The following SYT10 variants were observed in gnomAD, a reference collection of about 807,000 sequenced individuals.
SYT10 encodes synaptotagmin-10.
A neutral mutation model predicts 51.1 loss-of-function variants in SYT10; 31 were observed. That is an observed-to-expected ratio of 0.61 (90% confidence interval 0.46 to 0.82). The LOEUF (loss-of-function observed/expected upper bound fraction) is 0.82, where lower values mean the gene tolerates loss of function less well. Ranked by LOEUF, SYT10 falls within the 40% of genes least tolerant of loss-of-function variation. The pLI is 0.00. For missense variants in SYT10, 603 were observed against 634.0 expected (o/e 0.95, Z 0.53); for synonymous variants, 233 against 225.9 (o/e 1.03, Z -0.28).
intron 2 of SYT10, among the ~76,000 whole-genome samples, chr12:33,420,538 G>A (rs1420084485): frequency 6.6e-6 from 1 of 152,024 alleles, no homozygotes; most frequent in Non-Finnish European, 1.5e-5. Context: ...TGTAGTCCTG[G>A]CAACTTGGGA....
rs144490992 is a variant in SYT10 at position 33,410,236 on chromosome 12, G to A, written c.510-2880C>T. ...GTTTACAACGCAGTATCAATATTATGTGCATTAATAGAATGGAATTTGTTA... is the reference window on the plus strand; with the variant it reads ...GTTTACAACGCAGTATCAATATTATATGCATTAATAGAATGGAATTTGTTA... On this transcript the variant is annotated intron_variant, in intron 2 of 6. Coordinates refer to ENST00000228567, the MANE Select transcript of SYT10 (RefSeq NM_198992.4). 2.4e-3 allele frequency among the ~76,000 whole-genome samples: 368 copies of A among 152,250 alleles called. 1 individual carries two copies. Among genetic ancestry groups the A allele is most frequent in the African/African-American group, 8.1e-3 (335 of 41,552 alleles).
intron 1 of SYT10, among the ~76,000 whole-genome samples, chr12:33,433,048 G>A (rs1866609874): frequency 6.6e-6 from 1 of 151,982 alleles, no homozygotes; most frequent in Admixed American, 6.5e-5. Flanking sequence ...TGACTACTTA[G>A]GATGTATTTA....
At chr12:33,437,327 T>C (rs1289894810) in intron 1 of SYT10, among the ~76,000 whole-genome samples, 2 of 152,214 alleles carry the variant, frequency 1.3e-5, no homozygotes, top group African/African-American at 4.8e-5. Flanking sequence ...ATTCTTGCAA[T>C]TGTTTTAGAC....
At chr12:33,392,674 G>A (rs1471946182) in intron 3 of SYT10, among the ~76,000 whole-genome samples, 1 of 151,976 alleles carries the variant, frequency 6.6e-6, no homozygotes, top group East Asian at 1.9e-4. Flanking sequence ...GTTTCTGCAT[G>A]AAAGAAGGAA....
In SYT10 at chr12:33,379,545, T is replaced by C. The variant is rs549223347; in HGVS notation, c.1500+287A>G. Among the ~76,000 whole-genome samples, 146 of 68,928 alleles carry C rather than the reference T, an allele frequency of 2.1e-3. 1 individual carries two copies. The highest frequency in any genetic ancestry group is 0.019 in the Middle Eastern group (1 of 52). The allele number at this position is 68,928 out of a possible 152,430, so 45.2% of individuals were successfully genotyped here. A position where few individuals can be genotyped will look rare whatever the true frequency, so the allele number is the denominator to read the frequency against. On this transcript the variant is annotated intron_variant, in intron 6 of 6. Transcript: ENST00000228567. ...CACTCACTGATGTAAGTTTTCAGGC[T>C]ATGCAAAAAAAAAAAAAAAAAAAAA...
chr12:33,382,019 C>T (rs1866119311), intron 5 of SYT10, among the ~76,000 whole-genome samples: 1 of 152,114 alleles, frequency 6.6e-6, no homozygotes, highest in African/African-American at 2.4e-5. Flanking sequence ...TATTCATATT[C>T]CAGCCTAGTT....
intron 3 of SYT10, 23 bp from the exon 4 acceptor site, chr12:33,385,314 A>G (rs765786966): frequency 6.2e-7 from 1 of 1,610,924 alleles, no homozygotes; most frequent in Non-Finnish European, 8.5e-7. Context: ...TCGGCATGTT[A>G]GCAATTTCAA....
chr12:33,413,114 G>A (rs1185055155), intron 2 of SYT10, among the ~76,000 whole-genome samples: 16 of 152,194 alleles, frequency 1.1e-4, no homozygotes, highest in Non-Finnish European at 2.1e-4. Context: ...GAAATGAAGC[G>A]AGAAGAGAAG....
intron 2 of SYT10, among the ~76,000 whole-genome samples, chr12:33,415,596 T>G (rs1007562831): frequency 1.3e-5 from 2 of 152,344 alleles, no homozygotes; most frequent in Admixed American, 1.3e-4. Context: ...ATTTAATAAT[T>G]AAATGTTTAA....
chr12:33,391,059 C>T (rs1866201641), intron 3 of SYT10, among the ~76,000 whole-genome samples: 1 of 152,104 alleles, frequency 6.6e-6, no homozygotes, highest in Non-Finnish European at 1.5e-5. Context: ...GCCTCAGCCT[C>T]CTGAGTAGCT....
intron 2 of SYT10, chr12:33,408,168 A>G (rs554252526): frequency 8.5e-5 from 13 of 152,322 alleles, no homozygotes; most frequent in Admixed American, 4.6e-4. Flanking sequence ...AAAATTAAAA[A>G]CATGTTATAG....
At chr12:33,434,643 T>TA (rs1425825430) in intron 1 of SYT10, among the ~76,000 whole-genome samples, 1 of 152,048 alleles carries the variant, frequency 6.6e-6, no homozygotes, top group African/African-American at 2.4e-5. Flanking sequence ...CCGACTCTAC[T>TA]AAAAATACAA....
chr12:33,412,909 C>G (rs1450998786), intron 2 of SYT10, among the ~76,000 whole-genome samples: 1 of 151,976 alleles, frequency 6.6e-6, no homozygotes, highest in Non-Finnish European at 1.5e-5. Context: ...AAGTTCGAAC[C>G]CATCCAAAAA....
At chr12:33,397,962 G>A (rs1480524782) in intron 3 of SYT10, among the ~76,000 whole-genome samples, 2 of 152,020 alleles carry the variant, frequency 1.3e-5, no homozygotes, top group Non-Finnish European at 2.9e-5. Flanking sequence ...GGAGAGTGGC[G>A]GAAATGAACA....
chr12:33,385,332 A>C, intron 3 of SYT10, 41 bp from the exon 4 acceptor site: 1 of 1,606,858 alleles, frequency 6.2e-7, no homozygotes, highest in Non-Finnish European at 8.5e-7. Context: ...CAAACATTGA[A>C]GGGTGAAAAC....
intron 2 of SYT10, among the ~76,000 whole-genome samples, chr12:33,424,514 C>T (rs16916410): frequency 0.13 from 20,230 of 151,876 alleles, 1,574 homozygotes; most frequent in African/African-American, 0.19. Context: ...CTTAAGTCTT[C>T]GTGGCTATAA....
chr12:33,423,262 A>C (rs962535705), intron 2 of SYT10, among the ~76,000 whole-genome samples: 6 of 152,016 alleles, frequency 3.9e-5, no homozygotes, highest in Non-Finnish European at 8.8e-5. Context: ...GAGCTGGGGC[A>C]TACTAATAAG....
chr12:33,376,540 A>C lies in SYT10; in HGVS notation c.*290T>G. 2.6e-6 allele frequency: 1 copy of C among 391,580 alleles called. No individual in the cohort carries two copies. Among genetic ancestry groups the C allele is most frequent in the Non-Finnish European group, 4.7e-6 (1 of 213,740 alleles). The allele number at this position is 391,580 out of a possible 1,614,324, so 24.3% of individuals were successfully genotyped here. ...AGGTAAGTATGAACTGTTTAAAAAA[A>C]CATTTCATATGCAAAGAATTACAAC... On this transcript the variant is annotated 3_prime_UTR_variant, in exon 7 of 7. Transcript: ENST00000228567.
intron 2 of SYT10, among the ~76,000 whole-genome samples, chr12:33,414,250 G>A (rs902865089): frequency 2.1e-4 from 32 of 152,048 alleles, no homozygotes; most frequent in East Asian, 1.2e-3. Context: ...CTTTCACACC[G>A]CACTGTCAAC....
Sources: allele counts gnomAD v4.1 joint callset (sites outside exome capture counted in the v4.1 genomes callset), GRCh38; gene constraint gnomAD v4.1.1; transcripts MANE v1.5; gene names NCBI Gene and HGNC (gene_info 2026-07-23, HGNC 2026-07-21).